CACNG3: variants seen among roughly 807,000 people sequenced by gnomAD.
The protein encoded by CACNG3 is voltage-dependent calcium channel gamma-3 subunit.
Under a neutral mutation model 28.5 loss-of-function variants are expected in CACNG3, and 3 were observed. The ratio of observed to expected loss-of-function variants is 0.11; its 90% confidence interval spans 0.05 to 0.27. CACNG3 has a LOEUF of 0.27. Ranked by LOEUF, CACNG3 falls within the 10% of genes least tolerant of loss-of-function variation. The pLI, the probability that CACNG3 is intolerant of heterozygous loss-of-function variation, is 1.00. For synonymous variants in CACNG3, 174 were observed against 162.2 expected (o/e 1.07, Z -0.55); for missense variants, 236 against 414.4 (o/e 0.57, Z 3.74).
chr16:24,256,800 G>A lies in CACNG3; in HGVS notation c.46G>A (p.Gly16Arg). The A allele has an allele frequency of 6.2e-7, 1 of 1,614,074 alleles. No individual in the cohort carries two copies. The highest frequency in any genetic ancestry group is 8.5e-7 in the Non-Finnish European group (1 of 1,179,892). The part of the protein sequence containing the change: ...RGIQMLITTV[G>R]AFAAFSLMTI... ...TATCCAGATGTTGATCACCACTGTAGGAGCCTTTGCCGCTTTTAGTTTAAT... is the reference window on the plus strand; with the variant it reads ...TATCCAGATGTTGATCACCACTGTAAGAGCCTTTGCCGCTTTTAGTTTAAT... Residue 16 changes from glycine (G) to arginine (R), a missense_variant, in exon 1 of 4, where the codon GGA becomes AGA. This residue lies in a region of CACNG3 where 120 missense variants were observed against 263.4 expected (regional missense o/e 0.46). Transcript: ENST00000005284. The surrounding 1 kb of genome is among the most constrained non-coding windows in gnomAD (Gnocchi z 4.6).
chr16:24,272,624 T>A lies in CACNG3; in HGVS notation c.211+15659T>A, dbSNP rs763091196. 3.7e-4 allele frequency among the ~76,000 whole-genome samples: 57 copies of A among 152,170 alleles called. 1 individual carries two copies. Among genetic ancestry groups the A allele is most frequent in the Admixed American group, 7.9e-4 (12 of 15,272 alleles). Reference sequence around the variant, plus strand: ...TGTCCTAGAGATCTTCCTACAATTATCTCACAATTTATTAAGACATTTAAT... The same window carrying A: ...TGTCCTAGAGATCTTCCTACAATTAACTCACAATTTATTAAGACATTTAAT... On this transcript the variant is annotated intron_variant, in intron 1 of 3. Transcript: ENST00000005284.
At chr16:24,341,402 T>C (rs1656648662) in intron 1 of CACNG3, among the ~76,000 whole-genome samples, 1 of 152,224 alleles carries the variant, frequency 6.6e-6, no homozygotes, top group Admixed American at 6.5e-5. Flanking sequence ...AATGTGTCTC[T>C]TGTGATCCTA....
intron 1 of CACNG3, among the ~76,000 whole-genome samples, chr16:24,341,006 C>T (rs1899779266): frequency 6.6e-6 from 1 of 152,216 alleles, no homozygotes; most frequent in Admixed American, 6.5e-5. Context: ...TTGCAGTCTG[C>T]ATGTTTTCAC....
At chr16:24,357,650 C>T (rs1021491881) in intron 3 of CACNG3, among the ~76,000 whole-genome samples, 11 of 152,170 alleles carry the variant, frequency 7.2e-5, no homozygotes, top group African/African-American at 1.9e-4. Flanking sequence ...CCACAGGTGG[C>T]GGTGGCCTCT....
chr16:24,324,521 A>G (rs1004340623), intron 1 of CACNG3, among the ~76,000 whole-genome samples: 2 of 152,140 alleles, frequency 1.3e-5, no homozygotes, highest in African/African-American at 4.8e-5. Context: ...GCCAAAGGCA[A>G]CAGCTTCTCC....
chr16:24,351,500 T>C (rs1167727942), intron 2 of CACNG3, among the ~76,000 whole-genome samples: 1 of 149,462 alleles, frequency 6.7e-6, no homozygotes, highest in East Asian at 2.0e-4. Flanking sequence ...TGAACTCGGG[T>C]GGTGGAGGTT....
intron 1 of CACNG3, among the ~76,000 whole-genome samples, chr16:24,343,176 C>T (rs569275831): frequency 6.6e-6 from 1 of 151,908 alleles, no homozygotes; most frequent in Non-Finnish European, 1.5e-5. Context: ...GTGACAAGAG[C>T]GAAACTCTGC....
intron 3 of CACNG3, among the ~76,000 whole-genome samples, chr16:24,357,139 C>A (rs1450526944): frequency 6.7e-6 from 1 of 150,178 alleles, no homozygotes; most frequent in Non-Finnish European, 1.5e-5. Context: ...GAGGCTGAGG[C>A]AGGAGAATCG....
At chr16:24,302,128 C>G (rs564399472) in intron 1 of CACNG3, among the ~76,000 whole-genome samples, 3 of 152,338 alleles carry the variant, frequency 2.0e-5, no homozygotes, top group African/African-American at 7.2e-5. Context: ...AGTCACTCAT[C>G]CTCCTTCTGA....
At chr16:24,309,603 G>A (rs950258140) in intron 1 of CACNG3, among the ~76,000 whole-genome samples, 8 of 152,230 alleles carry the variant, frequency 5.3e-5, no homozygotes, top group Admixed American at 1.3e-4. Context: ...GGTGCCTGGT[G>A]CCTGGTGGGA....
intron 1 of CACNG3, among the ~76,000 whole-genome samples, chr16:24,264,044 G>A (rs1171289621): frequency 6.6e-6 from 1 of 152,240 alleles, no homozygotes; most frequent in Non-Finnish European, 1.5e-5. Flanking sequence ...AGGAGGCATG[G>A]GATTGGAGTA....
intron 1 of CACNG3, among the ~76,000 whole-genome samples, chr16:24,257,369 GAGAGAGAGAGAGAGAGAGAGAGAGA>G (rs1898475507): frequency 5.1e-4 from 10 of 19,644 alleles, no homozygotes; most frequent in East Asian, 2.6e-3. Context: ...AGTGAGGGGG[GAGAGAGAGAGAGAGAGAGAGAGAGA>G]GAGAGAGAGA....
intron 1 of CACNG3, among the ~76,000 whole-genome samples, chr16:24,306,326 A>G (rs1025944022): frequency 2.6e-5 from 4 of 152,230 alleles, no homozygotes; most frequent in Admixed American, 6.5e-5. Context: ...TGAAGTGACC[A>G]TACTGAACAA....
chr16:24,319,916 G>T (rs1273917473), intron 1 of CACNG3, among the ~76,000 whole-genome samples: 1 of 152,094 alleles, frequency 6.6e-6, no homozygotes, highest in Non-Finnish European at 1.5e-5. Context: ...GACTACAGGT[G>T]CACACCACCA....
At chr16:24,305,298 A>T (rs1167794606) in intron 1 of CACNG3, among the ~76,000 whole-genome samples, 1 of 151,156 alleles carries the variant, frequency 6.6e-6, no homozygotes, top group Non-Finnish European at 1.5e-5. Flanking sequence ...ATATATATAT[A>T]TACAAACTTA....
chr16:24,327,722 G>A (rs76390868), intron 1 of CACNG3, among the ~76,000 whole-genome samples: 5,286 of 151,728 alleles, frequency 0.035, 285 homozygotes, highest in African/African-American at 0.11. Context: ...CAGGAGGATC[G>A]CTTGAGGCCA....
chr16:24,359,790 G>A (rs1900081891), intron 3 of CACNG3, among the ~76,000 whole-genome samples: 1 of 152,148 alleles, frequency 6.6e-6, no homozygotes, highest in South Asian at 2.1e-4. Context: ...TTTAGCCCAG[G>A]AGGTTGAGGT....
chr16:24,259,259 T>G (rs934826370), intron 1 of CACNG3, among the ~76,000 whole-genome samples: 2 of 152,224 alleles, frequency 1.3e-5, no homozygotes, highest in Admixed American at 1.3e-4. Flanking sequence ...GCTGCACCCA[T>G]GTAATTAACA....
chr16:24,340,067 C>T (rs1005659186), intron 1 of CACNG3, among the ~76,000 whole-genome samples: 5 of 152,120 alleles, frequency 3.3e-5, no homozygotes, highest in Non-Finnish European at 7.4e-5. Context: ...TCCAGCAGTT[C>T]AAGATCTGCC....
Sources: gnomAD v4.1 joint callset for allele counts (sites outside exome capture counted in the v4.1 genomes callset) on GRCh38, gnomAD v4.1.1 for gene constraint, gnomAD v4.1.1 regional missense constraint, Gnocchi (gnomAD v3.1) non-coding constraint, MANE v1.5 for transcripts, NCBI Gene and HGNC (gene_info 2026-07-23, HGNC 2026-07-21) for gene names.